COL8A1: variants seen among roughly 807,000 people sequenced by gnomAD.
COL8A1 encodes collagen alpha-1(VIII) chain.
A neutral mutation model predicts 42.7 loss-of-function variants in COL8A1; 21 were observed. The observed-to-expected ratio is 0.49, with a 90% CI of 0.35 to 0.71. COL8A1 has a LOEUF of 0.71. Among genes scored for constraint, COL8A1 ranks in the 30% least tolerant of loss-of-function variants. COL8A1 has a pLI of 0.01. For synonymous variants in COL8A1, 367 were observed against 369.1 expected (o/e 0.99, Z 0.06); for missense variants, 788 against 962.4 (o/e 0.82, Z 2.40).
At chr3:99,710,560 A>T (rs1255050190) in intron 1 of COL8A1, among the ~76,000 whole-genome samples, 3 of 152,210 alleles carry the variant, frequency 2.0e-5, no homozygotes. Context: ...GCATAAAGAA[A>T]GAGGTTTTTC....
intron 1 of COL8A1, among the ~76,000 whole-genome samples, chr3:99,664,852 A>G (rs1938315719): frequency 6.6e-6 from 1 of 152,268 alleles, no homozygotes; most frequent in South Asian, 2.1e-4. Flanking sequence ...TCTCCAGGAC[A>G]TAAGTGGGAG....
intron 2 of COL8A1, among the ~76,000 whole-genome samples, chr3:99,766,388 G>C (rs931385195): frequency 7.2e-5 from 11 of 152,144 alleles, no homozygotes; most frequent in Non-Finnish European, 1.5e-4. Flanking sequence ...GCATACTTGG[G>C]AAAGAAGAAC....
chr3:99,715,675 C>T lies in COL8A1; in HGVS notation c.-128-29222C>T, dbSNP rs573694097. ...AAGCAAAAATTTGTTGGAGCCGGAG[C>T]TACATAAGCTGTCAGCAAAGAAAGA... On this transcript the variant is annotated intron_variant, in intron 1 of 3. Coordinates refer to ENST00000652472, the MANE Select transcript of COL8A1 (RefSeq NM_020351.4). 2.6e-5 allele frequency among the ~76,000 whole-genome samples: 4 copies of T among 152,072 alleles called. No individual in the cohort carries two copies. In the South Asian group the frequency reaches 8.3e-4, roughly 32 times the overall value.
At chr3:99,756,546 C>T (rs1035041522) in intron 2 of COL8A1, among the ~76,000 whole-genome samples, 20 of 152,044 alleles carry the variant, frequency 1.3e-4, no homozygotes, top group Non-Finnish European at 2.1e-4. Flanking sequence ...TCAAGAAGTA[C>T]AAGGAAAACG....
intron 1 of COL8A1, among the ~76,000 whole-genome samples, chr3:99,694,052 T>C (rs534062409): frequency 6.6e-6 from 1 of 152,378 alleles, no homozygotes; most frequent in South Asian, 2.1e-4. Context: ...GCTATACCTA[T>C]AGCCTAGGTG....
intron 1 of COL8A1, among the ~76,000 whole-genome samples, chr3:99,687,617 C>T (rs1009389306): frequency 6.6e-6 from 1 of 152,190 alleles, no homozygotes. Context: ...CTCTTAATAT[C>T]ATCCAATTGC....
intron 1 of COL8A1, among the ~76,000 whole-genome samples, chr3:99,692,066 G>A (rs931245988): frequency 1.3e-5 from 2 of 152,026 alleles, no homozygotes; most frequent in Non-Finnish European, 1.5e-5. Flanking sequence ...CCAGGTGGTA[G>A]CAAAGCCTCA....
At chr3:99,661,033 G>C (rs1298072967) in intron 1 of COL8A1, among the ~76,000 whole-genome samples, 1 of 152,138 alleles carries the variant, frequency 6.6e-6, no homozygotes, top group East Asian at 1.9e-4. Context: ...GTGTTAGACG[G>C]TGAATTAGTA....
intron 2 of COL8A1, among the ~76,000 whole-genome samples, chr3:99,785,590 C>CA (rs1459374731): frequency 3.3e-5 from 5 of 151,984 alleles, no homozygotes; most frequent in African/African-American, 1.2e-4. Flanking sequence ...ATATGTTGAA[C>CA]CTCAAGTACC....
chr3:99,691,354 A>G (rs1016092737), intron 1 of COL8A1: 1 of 152,104 alleles, frequency 6.6e-6, no homozygotes, highest in Non-Finnish European at 1.5e-5. Flanking sequence ...AGGGTGTACT[A>G]CCCAACTGTT....
At chr3:99,686,862 G>GA (rs1559778882) in intron 1 of COL8A1, among the ~76,000 whole-genome samples, 1 of 149,380 alleles carries the variant, frequency 6.7e-6, no homozygotes, top group East Asian at 1.9e-4. Flanking sequence ...GTTTGTTTTT[G>GA]GGGGGGGTTC....
At chr3:99,662,104 C>T (rs1412673192) in intron 1 of COL8A1, among the ~76,000 whole-genome samples, 1 of 152,168 alleles carries the variant, frequency 6.6e-6, no homozygotes, top group Non-Finnish European at 1.5e-5. Context: ...ATGGGCCGAG[C>T]ACGGTGGCAC....
intron 1 of COL8A1, among the ~76,000 whole-genome samples, chr3:99,728,118 C>T (rs537092192): frequency 2.0e-5 from 3 of 152,102 alleles, no homozygotes; most frequent in South Asian, 2.1e-4. Context: ...TCCTATTCAA[C>T]GTAGTGTTGG....
intron 2 of COL8A1, among the ~76,000 whole-genome samples, chr3:99,758,341 C>T (rs575056257): frequency 6.6e-6 from 1 of 152,218 alleles, no homozygotes; most frequent in South Asian, 2.1e-4. Flanking sequence ...GTTAATCCAA[C>T]TTCCCCCAGC....
At chr3:99,677,068 G>A (rs1401174774) in intron 1 of COL8A1, among the ~76,000 whole-genome samples, 1 of 140,712 alleles carries the variant, frequency 7.1e-6, no homozygotes, top group Non-Finnish European at 1.5e-5. Flanking sequence ...AAGAAAAAGA[G>A]AGAGAGAGAG....
At chr3:99,722,344 A>C (rs1437928325) in intron 1 of COL8A1, among the ~76,000 whole-genome samples, 2 of 152,142 alleles carry the variant, frequency 1.3e-5, no homozygotes, top group East Asian at 3.9e-4. Flanking sequence ...TTGCAAAGAC[A>C]TTTAGGCAAT....
rs961047228 is a variant in COL8A1, at chr3:99,790,571, T to G, written c.-3-109T>G. On this transcript the variant is annotated intron_variant, in intron 2 of 3. Transcript: ENST00000652472. ...TCATTTGACTTCTATCATGAAGTTC[T>G]GATGTTAAAGACTGTTTCCCTTTTT... is the stretch of plus-strand genomic sequence containing the variant. 9 of 801,928 alleles carry G rather than the reference T, an allele frequency of 1.1e-5. No individual in the cohort carries two copies. In the East Asian group the frequency reaches 2.1e-4, roughly 19 times the overall value. 49.7% of individuals were successfully genotyped at this position (801,928 alleles called of 1,614,324 possible).
intron 2 of COL8A1, among the ~76,000 whole-genome samples, chr3:99,756,611 A>G (rs1251950242): frequency 1.3e-5 from 2 of 152,228 alleles, no homozygotes; most frequent in African/African-American, 4.8e-5. Flanking sequence ...TATACTCTTG[A>G]GAAATAAATG....
intron 1 of COL8A1, among the ~76,000 whole-genome samples, chr3:99,736,326 C>T (rs1213030379): frequency 7.2e-5 from 11 of 152,102 alleles, no homozygotes; most frequent in Non-Finnish European, 1.0e-4. Context: ...GCTTTGAATG[C>T]GTCCCAGAGA....
Sources: gnomAD v4.1 joint callset for allele counts (sites outside exome capture counted in the v4.1 genomes callset) on GRCh38, gnomAD v4.1.1 for gene constraint, MANE v1.5 for transcripts, NCBI Gene and HGNC (gene_info 2026-07-23, HGNC 2026-07-21) for gene names.